Variants in PSG11 observed in about 807,000 individuals in gnomAD.
PSG11 encodes the protein pregnancy-specific beta-1-glycoprotein 11.
A neutral mutation model predicts 36.0 loss-of-function variants in PSG11; 42 were observed. The observed-to-expected ratio is 1.17, with a 90% CI of 0.91 to 1.51. The LOEUF (loss-of-function observed/expected upper bound fraction) is 1.51. Ranked by LOEUF, PSG11 falls within the 40% of genes most tolerant of loss-of-function variation. The pLI is 0.00. For missense variants in PSG11, 558 were observed against 403.5 expected, an observed-to-expected ratio of 1.38 and a Z score of -3.28; for synonymous variants, 206 against 153.5, an observed-to-expected ratio of 1.34 and a Z score of -2.53.
intron 3 of PSG11, among the ~76,000 whole-genome samples, chr19:43,018,143 A>G (rs548969549): frequency 2.6e-4 from 39 of 151,344 alleles, no homozygotes; most frequent in Admixed American, 2.4e-3. Context: ...TGATTATGAG[A>G]TTTGTTCCAC....
At chr19:43,019,127 A>G in intron 2 of PSG11, 79 bp from the exon 3 acceptor site, 1 of 1,563,146 alleles carries the variant, frequency 6.4e-7, no homozygotes, top group East Asian at 2.3e-5. Context: ...CAGAATTGGC[A>G]TTTGCCACCT....
At chr19:43,014,510 G>A in intron 4 of PSG11, 2 of 978,570 alleles carry the variant, frequency 2.0e-6, no homozygotes, top group Non-Finnish European at 2.4e-6. Context: ...CCCGGGGGAG[G>A]CTTGGCTTGA....
rs1205013734 is a variant in PSG11, at chr19:43,024,968, A to G, written c.153T>C (p.Val51=). 1 of 1,611,710 alleles carries G rather than the reference A, an allele frequency of 6.2e-7. No individual in the cohort carries two copies. The highest frequency in any genetic ancestry group is 1.1e-5 in the South Asian group (1 of 90,824). ...QPPKVSEGKD[V]LLLVHNLPQN... ...GGGGCAAATTGTGGACAAGTAGAAG[A>G]ACATCCTTCCCCTCGGACACTTTGG... The change falls in exon 2 of 6, where the codon GTT becomes GTC. Residue 51 remains valine (V), a synonymous_variant. Transcript: ENST00000320078.
chr19:43,020,381 G>A (rs1967074255), intron 2 of PSG11, among the ~76,000 whole-genome samples: 1 of 151,114 alleles, frequency 6.6e-6, no homozygotes, highest in Non-Finnish European at 1.5e-5. Flanking sequence ...GTAAAGTTTT[G>A]GAGCATTTCA....
intron 2 of PSG11, among the ~76,000 whole-genome samples, chr19:43,021,163 A>T (rs922711709): frequency 3.3e-5 from 5 of 151,374 alleles, no homozygotes; most frequent in African/African-American, 1.2e-4. Flanking sequence ...ACAAAATTTT[A>T]AAAATGCTAT....
At chr19:43,019,417 T>C in intron 2 of PSG11, 2 of 246,034 alleles carry the variant, frequency 8.1e-6, no homozygotes, top group Non-Finnish European at 1.6e-5. Flanking sequence ...ATCTTCTTAG[T>C]TTCAGTCTTA....
Position 43,026,435 on chromosome 19 carries a change from G to T in PSG11, c.-63C>A. ...AGCCTAGGATCCAGAAGCTTCCAGA[G>T]CACGGCTGTCAGCTGTGCTGTCCTT... On this transcript the variant is annotated 5_prime_UTR_variant, in exon 1 of 6. Transcript: ENST00000320078. 1 of 1,589,254 alleles carries T rather than the reference G, an allele frequency of 6.3e-7. No individual in the cohort carries two copies. Among genetic ancestry groups the T allele is most frequent in the Non-Finnish European group, 8.6e-7 (1 of 1,163,780 alleles).
intron 4 of PSG11, chr19:43,010,561 G>A (rs1056600000): frequency 1.3e-4 from 64 of 498,238 alleles, no homozygotes; most frequent in Non-Finnish European, 1.9e-4. Context: ...TAACGCTAAT[G>A]GGTGACTGGT....
At chr19:43,010,890 C>CATATATATATATATATATATATATAT (rs10566441) in intron 4 of PSG11, among the ~76,000 whole-genome samples, 1 of 140,388 alleles carries the variant, frequency 7.1e-6, no homozygotes, top group African/African-American at 2.7e-5. Context: ...CCTCTTTTTC[C>CATATATATATATATATATATATATAT]ATATATATAT....
intron 4 of PSG11, 198 bp downstream of exon 4, chr19:43,014,916 AAG>A (rs1309955238): frequency 7.0e-7 from 1 of 1,436,704 alleles, no homozygotes; most frequent in African/African-American, 1.5e-5. Context: ...GGCCAGACAC[AAG>A]GTCAGTCATG....
chr19:43,025,611 C>G (rs1157556305), intron 1 of PSG11, among the ~76,000 whole-genome samples: 1 of 150,476 alleles, frequency 6.6e-6, no homozygotes, highest in African/African-American at 2.5e-5. Context: ...AGGCTGCAGA[C>G]TCCTGTAGAT....
intron 4 of PSG11, among the ~76,000 whole-genome samples, chr19:43,011,518 AAATC>A (rs1167977765): frequency 6.6e-6 from 1 of 151,386 alleles, no homozygotes; most frequent in African/African-American, 2.4e-5. Flanking sequence ...CTTCAAAATA[AAATC>A]AACAAAATTG....
At chr19:43,021,988 A>G (rs1967112611) in intron 2 of PSG11, among the ~76,000 whole-genome samples, 1 of 151,362 alleles carries the variant, frequency 6.6e-6, no homozygotes, top group Non-Finnish European at 1.5e-5. Flanking sequence ...CTGCACATAG[A>G]CAAGGCTAAC....
intron 4 of PSG11, among the ~76,000 whole-genome samples, chr19:43,011,594 A>T (rs1974077453): frequency 6.6e-6 from 1 of 151,378 alleles, no homozygotes; most frequent in Admixed American, 6.6e-5. Context: ...TCAAATCAGA[A>T]ATGAAAATGG....
Position 43,025,076 on chromosome 19 carries a change from T to C in PSG11, c.65-20A>G. 6.2e-7 allele frequency: 1 copy of C among 1,602,354 alleles called. No homozygotes were observed. The highest frequency in any genetic ancestry group is 8.5e-7 in the Non-Finnish European group (1 of 1,174,166). On this transcript the variant is annotated intron_variant, in intron 1 of 5. Coordinates refer to ENST00000320078, the MANE Select transcript of PSG11 (RefSeq NM_002785.3). ...GTAATGCTAGGAGGTGGAGAGAGCATCAGTCAATATTGAGACCTATGTATT... is the reference window on the plus strand; with the variant it reads ...GTAATGCTAGGAGGTGGAGAGAGCACCAGTCAATATTGAGACCTATGTATT...
rs1027113508 is a variant in PSG11 at position 43,009,511 on chromosome 19, T to G, written c.*40+447A>C. On this transcript the variant is annotated intron_variant, in intron 5 of 5. Transcript: ENST00000320078. ...TGAACTTATCAAATAGGCTAGTGTATACCCCTGGAGATTCTTGATTAAGTG... is the reference window on the plus strand; with the variant it reads ...TGAACTTATCAAATAGGCTAGTGTAGACCCCTGGAGATTCTTGATTAAGTG... 1.3e-4 allele frequency among the ~76,000 whole-genome samples: 20 copies of G among 151,302 alleles called. 1 individual carries two copies. The highest frequency in any genetic ancestry group is 2.4e-4 in the Non-Finnish European group (16 of 67,862).
At chr19:43,024,193 A>G (rs997158542) in intron 2 of PSG11, among the ~76,000 whole-genome samples, 3 of 151,386 alleles carry the variant, frequency 2.0e-5, no homozygotes, top group Non-Finnish European at 4.4e-5. Flanking sequence ...GTCCTCAGAC[A>G]GCTGGTAAAT....
chr19:43,020,126 C>T (rs186274132), intron 2 of PSG11, among the ~76,000 whole-genome samples: 10 of 151,358 alleles, frequency 6.6e-5, no homozygotes, highest in Admixed American at 2.6e-4. Flanking sequence ...CGTGGGTGTG[C>T]GGTTTCAGTT....
At position 43,018,846 on chromosome 19, in the gene PSG11, A is replaced by G. The variant is rs1024942652; in HGVS notation, c.633T>C (p.Thr211=). ...ATATTTCACATTCATAGGGTCCTGC[A>G]GTATACTTTGTGACACCAAATAGAA... ...TLFLFGVTKY[T]AGPYECEIWN... is the part of the protein sequence containing the mutation. Residue 211 remains threonine (T), a synonymous_variant, in exon 3 of 6, where the codon ACT becomes ACC. Transcript: ENST00000320078. The G allele has an allele frequency of 6.2e-7, 1 of 1,612,138 alleles. No homozygotes were observed. Among genetic ancestry groups the G allele is most frequent in the Admixed American group, 1.7e-5 (1 of 59,882 alleles).
Sources: gnomAD v4.1 joint callset for allele counts (sites outside exome capture counted in the v4.1 genomes callset) on GRCh38, gnomAD v4.1.1 for gene constraint, MANE v1.5 for transcripts, NCBI Gene and HGNC (gene_info 2026-07-23, HGNC 2026-07-21) for gene names.